COL21A1: variants seen among roughly 807,000 people sequenced by gnomAD.
COL21A1 encodes collagen type XXI alpha 1 chain.
In COL21A1, 149 loss-of-function variants were observed where a neutral mutation model predicts 137.9. The ratio of observed to expected loss-of-function variants is 1.08; its 90% CI spans 0.95 to 1.24. The LOEUF (loss-of-function observed/expected upper bound fraction) is 1.24, where lower values mean the gene tolerates loss of function less well. Ranked by LOEUF, COL21A1 falls within the 50% of genes most tolerant of loss-of-function variation. COL21A1 has a pLI of 0.00. For missense variants in COL21A1, 1,167 were observed against 1,158.4 expected (o/e 1.01, Z -0.11); for synonymous variants, 456 against 391.5 (o/e 1.16, Z -1.95).
intron 17 of COL21A1, among the ~76,000 whole-genome samples, chr6:56,094,672 G>A (rs1385954896): frequency 6.6e-6 from 1 of 152,174 alleles, no homozygotes; most frequent in Non-Finnish European, 1.5e-5. Context: ...ATATATGAAT[G>A]TATGTATACA....
At chr6:56,177,639 G>A (rs1476924249) in intron 3 of COL21A1, among the ~76,000 whole-genome samples, 2 of 151,570 alleles carry the variant, frequency 1.3e-5, no homozygotes, top group Non-Finnish European at 2.9e-5. Context: ...CTAAAAAATA[G>A]AAAAAATTAG....
intron 1 of COL21A1, among the ~76,000 whole-genome samples, chr6:56,310,365 A>C (rs111499385): frequency 2.0e-5 from 3 of 152,156 alleles, no homozygotes; most frequent in African/African-American, 7.2e-5. Flanking sequence ...TAAAAACACT[A>C]ATGCCAAACT....
intron 1 of COL21A1, chr6:56,276,917 A>G: frequency 2.4e-6 from 1 of 413,816 alleles, no homozygotes. Flanking sequence ...ACGCCATTCT[A>G]CTGCCTCAGC....
At chr6:56,288,209 T>G (rs1384076632) in intron 1 of COL21A1, among the ~76,000 whole-genome samples, 1 of 150,428 alleles carries the variant, frequency 6.6e-6, no homozygotes, top group Non-Finnish European at 1.5e-5. Flanking sequence ...GGAATGCTGA[T>G]AGTTTCTATT....
intron 1 of COL21A1, among the ~76,000 whole-genome samples, chr6:56,239,124 G>A (rs920773741): frequency 3.9e-5 from 6 of 152,246 alleles, no homozygotes; most frequent in African/African-American, 1.2e-4. Flanking sequence ...ATTAGAGCAT[G>A]TAACTATTTT....
intron 1 of COL21A1, among the ~76,000 whole-genome samples, chr6:56,208,470 G>T (rs1488732483): frequency 6.6e-6 from 1 of 152,124 alleles, no homozygotes; most frequent in Non-Finnish European, 1.5e-5. Context: ...ACTTACAAGG[G>T]ATGTGAAGGA....
intron 2 of COL21A1, among the ~76,000 whole-genome samples, chr6:56,181,061 C>T (rs1777854709): frequency 6.6e-6 from 1 of 152,214 alleles, no homozygotes; most frequent in Non-Finnish European, 1.5e-5. Context: ...GTTAGGTTGC[C>T]ATCCCCTCCT....
chr6:56,058,762 T>G (rs937137035), intron 29 of COL21A1, among the ~76,000 whole-genome samples: 1 of 152,154 alleles, frequency 6.6e-6, no homozygotes, highest in Non-Finnish European at 1.5e-5. Context: ...AACATTATCA[T>G]CACCATTTTA....
intron 1 of COL21A1, among the ~76,000 whole-genome samples, chr6:56,223,085 G>C (rs184807629): frequency 6.6e-6 from 1 of 150,888 alleles, no homozygotes; most frequent in African/African-American, 2.4e-5. Context: ...TTTTATTGCT[G>C]TTACTCTACC....
intron 3 of COL21A1, among the ~76,000 whole-genome samples, chr6:56,176,838 T>G (rs1777507871): frequency 7.6e-6 from 1 of 132,360 alleles, no homozygotes. Flanking sequence ...AAGAGAAAAA[T>G]GAAGAAGAAG....
chr6:56,280,605 T>C (rs1442548626), intron 1 of COL21A1, among the ~76,000 whole-genome samples: 1 of 152,206 alleles, frequency 6.6e-6, no homozygotes, highest in Non-Finnish European at 1.5e-5. Context: ...ATGGAAACAC[T>C]TGTGGCTTGC....
At chr6:56,137,781 G>A (rs1384368039) in intron 12 of COL21A1, among the ~76,000 whole-genome samples, 2 of 152,042 alleles carry the variant, frequency 1.3e-5, no homozygotes, top group African/African-American at 2.4e-5. Context: ...CAATAAATAA[G>A]GCAAGACATG....
chr6:56,121,990 A>G (rs1772585640), intron 16 of COL21A1, among the ~76,000 whole-genome samples: 2 of 152,146 alleles, frequency 1.3e-5, no homozygotes, highest in Admixed American at 1.3e-4. Context: ...TGAACCTATA[A>G]GGAAGGCAAA....
chr6:56,209,771 T>C (rs541807660), intron 1 of COL21A1, among the ~76,000 whole-genome samples: 1 of 152,246 alleles, frequency 6.6e-6, no homozygotes, highest in Admixed American at 6.5e-5. Context: ...GCAATCCCAT[T>C]ACTGGGTATA....
chr6:56,258,095 C>A (rs1763158873), intron 1 of COL21A1, among the ~76,000 whole-genome samples: 1 of 151,964 alleles, frequency 6.6e-6, no homozygotes, highest in Admixed American at 6.6e-5. Flanking sequence ...TAAGGGGTGT[C>A]TTTTTGACTA....
At chr6:56,358,199 G>A (rs892645626) in intron 1 of COL21A1, among the ~76,000 whole-genome samples, 6 of 152,054 alleles carry the variant, frequency 3.9e-5, no homozygotes, top group Admixed American at 1.3e-4. Context: ...ATATAGAGAA[G>A]GCCAAGTGCA....
chr6:56,195,761 C>T (rs1778979026), intron 1 of COL21A1, among the ~76,000 whole-genome samples: 2 of 152,020 alleles, frequency 1.3e-5, no homozygotes, highest in Non-Finnish European at 2.9e-5. Flanking sequence ...CAGAAAAGGT[C>T]CAGGAGCAGA....
chr6:56,368,982 A>G (rs1766163226), intron 1 of COL21A1, among the ~76,000 whole-genome samples: 1 of 152,316 alleles, frequency 6.6e-6, no homozygotes, highest in African/African-American at 2.4e-5. Flanking sequence ...AATGGGCAGC[A>G]TGGTATTTTC....
chr6:56,292,390 G>GGCCC (rs1304237080), intron 1 of COL21A1, among the ~76,000 whole-genome samples: 1 of 92,542 alleles, frequency 1.1e-5, no homozygotes, highest in African/African-American at 3.1e-5. Flanking sequence ...ACAAAACAGG[G>GGCCC]ACCCCCCCCC....
Sources: allele counts gnomAD v4.1 joint callset (sites outside exome capture counted in the v4.1 genomes callset), GRCh38; gene constraint gnomAD v4.1.1; transcripts MANE v1.5; gene names NCBI Gene and HGNC (gene_info 2026-07-23, HGNC 2026-07-21).